The following DOCK8 variants were observed in gnomAD, a reference collection of about 807,000 sequenced individuals.
DOCK8 encodes the protein dedicator of cytokinesis 8.
A neutral mutation model predicts 245.6 loss-of-function variants in DOCK8; 141 were observed. The observed-to-expected ratio is 0.57, with a 90% CI of 0.50 to 0.66. The LOEUF is 0.66. Ranked by LOEUF, DOCK8 falls within the 30% of genes least tolerant of loss-of-function variation. DOCK8 has a pLI of 0.00. For missense variants in DOCK8, 2,965 were observed against 2,603.4 expected (o/e 1.14, Z -3.02); for synonymous variants, 1,168 against 970.2 (o/e 1.20, Z -3.79).
At chr9:212,860 A>G (rs969161595), upstream of DOCK8, 1 of 152,248 alleles carries the variant, frequency 6.6e-6, no homozygotes, top group Non-Finnish European at 1.5e-5. Context: ...GTGTGAAACC[A>G]GTATATTTTT....
intron 1 of DOCK8, among the ~76,000 whole-genome samples, chr9:229,565 C>T (rs935489308): frequency 6.6e-6 from 1 of 152,090 alleles, no homozygotes; most frequent in Non-Finnish European, 1.5e-5. Flanking sequence ...TGCCACATGT[C>T]CCCAAAGGCA....
intron 14 of DOCK8, among the ~76,000 whole-genome samples, chr9:359,721 T>A (rs1289748506): frequency 6.6e-6 from 1 of 151,470 alleles, no homozygotes; most frequent in African/African-American, 2.4e-5. Flanking sequence ...CCTTTTCCTG[T>A]AGTTTTTGAA....
In DOCK8 at chr9:230,173, C is replaced by G. The variant is rs549857507; in HGVS notation, c.53+15144C>G. On this transcript the variant is annotated intron_variant, in intron 1 of 47. Transcript: ENST00000432829. ...TGCGGTGTTTGGTTTTTTGTCCTTG[C>G]GATAGTTTGCTGAGAATGATGGTTT... Among the ~76,000 whole-genome samples the G allele has an allele frequency of 2.3e-3, 347 of 150,956 alleles. 1 individual carries two copies. Among genetic ancestry groups the G allele is most frequent in the African/African-American group, 8.2e-3 (336 of 41,122 alleles).
intron 36 of DOCK8, among the ~76,000 whole-genome samples, chr9:431,681 G>T (rs747577539): frequency 1.3e-5 from 2 of 152,038 alleles, no homozygotes; most frequent in Non-Finnish European, 2.9e-5. Context: ...GCTAATTTTT[G>T]TATTTTTAGT....
chr9:439,416 C>A, intron 40 of DOCK8, 28 bp downstream of exon 40: 1 of 1,609,920 alleles, frequency 6.2e-7, no homozygotes, highest in Non-Finnish European at 8.5e-7. Flanking sequence ...ATCCCGGGGC[C>A]TGGCCTCCCA....
chr9:347,724 T>G (rs1348331890), intron 14 of DOCK8, among the ~76,000 whole-genome samples: 3 of 152,178 alleles, frequency 2.0e-5, no homozygotes, highest in Non-Finnish European at 2.9e-5. Flanking sequence ...TAGTTGCAAC[T>G]TGGTCTCGAT....
At chr9:281,892 G>T (rs1563870883) in intron 2 of DOCK8, among the ~76,000 whole-genome samples, 1 of 152,108 alleles carries the variant, frequency 6.6e-6, no homozygotes. Context: ...AGTGTAGAAA[G>T]AGTAGGGGAG....
intron 24 of DOCK8, among the ~76,000 whole-genome samples, chr9:393,591 A>G (rs7048325): frequency 0.036 from 5,495 of 152,222 alleles, 339 homozygotes; most frequent in African/African-American, 0.13. Context: ...TTGCACATTT[A>G]TTTACTAGGG....
At chr9:216,451 G>A (rs929954681) in intron 1 of DOCK8, among the ~76,000 whole-genome samples, 4 of 146,900 alleles carry the variant, frequency 2.7e-5, no homozygotes, top group East Asian at 2.1e-4. Context: ...CAAGAGCATC[G>A]CTTGAGCCCA....
intron 30 of DOCK8, among the ~76,000 whole-genome samples, chr9:419,700 ATTG>A (rs2056194201): frequency 6.7e-6 from 1 of 149,686 alleles, no homozygotes; most frequent in South Asian, 2.1e-4. Flanking sequence ...GTGCAGCCTC[ATTG>A]TTGTTGTTTG....
intron 1 of DOCK8, among the ~76,000 whole-genome samples, chr9:216,721 T>A (rs2046764119): frequency 6.6e-6 from 1 of 152,060 alleles, no homozygotes; most frequent in Non-Finnish European, 1.5e-5. Flanking sequence ...CCTGATCCTC[T>A]GTCTTTGTGA....
At chr9:436,918 C>G (rs1382985686) in intron 39 of DOCK8, among the ~76,000 whole-genome samples, 1 of 152,096 alleles carries the variant, frequency 6.6e-6, no homozygotes. Context: ...CATTTATGGT[C>G]CAGGCCCTGT....
intron 1 of DOCK8, among the ~76,000 whole-genome samples, chr9:242,052 C>G (rs1239028612): frequency 3.9e-5 from 6 of 152,204 alleles, no homozygotes; most frequent in African/African-American, 9.6e-5. Context: ...TGCCATTTCT[C>G]AAACATAGCT....
At chr9:258,832 A>G (rs569770473) in intron 1 of DOCK8, among the ~76,000 whole-genome samples, 1 of 152,118 alleles carries the variant, frequency 6.6e-6, no homozygotes, top group South Asian at 2.1e-4. Context: ...TCCTGACCTC[A>G]GGTGATCTGC....
At chr9:391,506 G>A (rs1364045388) in intron 24 of DOCK8, among the ~76,000 whole-genome samples, 2 of 152,078 alleles carry the variant, frequency 1.3e-5, no homozygotes, top group Non-Finnish European at 2.9e-5. Context: ...TACTCGAGCA[G>A]AAAAGCAAAA....
chr9:241,326 T>G (rs964422989), intron 1 of DOCK8, among the ~76,000 whole-genome samples: 6 of 152,144 alleles, frequency 3.9e-5, no homozygotes, highest in Non-Finnish European at 8.8e-5. Flanking sequence ...TAGAACGTAT[T>G]CCTCCTATGT....
intron 26 of DOCK8, among the ~76,000 whole-genome samples, chr9:399,959 TATCACCACCTTCTCCACC>T (rs1364725662): frequency 1.4e-5 from 2 of 144,508 alleles, no homozygotes; most frequent in African/African-American, 5.3e-5. Context: ...CCATGCCCAC[TATCACCACCTTCTCCACC>T]ATCACCACCT....
intron 1 of DOCK8, among the ~76,000 whole-genome samples, chr9:235,708 G>A (rs916317957): frequency 2.0e-5 from 3 of 152,214 alleles, no homozygotes; most frequent in African/African-American, 7.2e-5. Context: ...TGAGCCATGT[G>A]TGGGATATAA....
intron 45 of DOCK8, among the ~76,000 whole-genome samples, 191 bp from the exon 46 acceptor site, chr9:451,820 G>T (rs1246293615): frequency 6.7e-6 from 1 of 148,996 alleles, no homozygotes; most frequent in African/African-American, 2.5e-5. Context: ...TTTCTCCCAA[G>T]CAATTTAATT....
Sources: gnomAD v4.1 joint callset for allele counts (sites outside exome capture counted in the v4.1 genomes callset) on GRCh38, gnomAD v4.1.1 for gene constraint, MANE v1.5 for transcripts, NCBI Gene and HGNC (gene_info 2026-07-23, HGNC 2026-07-21) for gene names.